The following MYO3A variants were observed in gnomAD, a reference collection of about 807,000 sequenced individuals.
MYO3A encodes myosin IIIA.
In MYO3A, 180 loss-of-function variants were observed where a neutral mutation model predicts 192.7. The ratio of observed to expected loss-of-function variants is 0.93; its 90% CI spans 0.83 to 1.06. The LOEUF (loss-of-function observed/expected upper bound fraction) is 1.06. MYO3A is among the 50% of genes least tolerant of loss of function. MYO3A has a pLI of 0.00. For synonymous variants in MYO3A, 628 were observed against 645.3 expected (o/e 0.97, Z 0.41); for missense variants, 1,896 against 1,905.0 (o/e 1.00, Z 0.09).
chr10:26,063,973 C>T (rs1834657593), intron 10 of MYO3A, among the ~76,000 whole-genome samples: 1 of 152,186 alleles, frequency 6.6e-6, no homozygotes. Flanking sequence ...CTGTTAACAG[C>T]TGCTGGGGAC....
intron 31 of MYO3A, among the ~76,000 whole-genome samples, chr10:26,184,060 AAGAG>A (rs1158033616): frequency 6.6e-6 from 1 of 152,202 alleles, no homozygotes; most frequent in Non-Finnish European, 1.5e-5. Flanking sequence ...TCTTAATAAA[AAGAG>A]AGAGAGAATT....
intron 4 of MYO3A, among the ~76,000 whole-genome samples, chr10:25,988,722 T>G (rs1388031285): frequency 6.6e-6 from 1 of 152,076 alleles, no homozygotes; most frequent in Non-Finnish European, 1.5e-5. Flanking sequence ...GTTCATCCAT[T>G]CAGTAGAATA....
In MYO3A at chr10:26,154,805, G is replaced by A. The variant is rs1391087947; in HGVS notation, c.2775G>A (p.Thr925=). Residue 925 remains threonine, a synonymous_variant, in exon 25 of 35, where the codon ACG becomes ACA. Transcript: ENST00000642920. Reference sequence around the variant, plus strand: ...AGACAACCAACATGAAAACACAAACGGTTGCATCATATTTTAGAGTAAGAT... The same window carrying A: ...AGACAACCAACATGAAAACACAAACAGTTGCATCATATTTTAGAGTAAGAT... The part of the protein sequence containing the change: ...ARETTNMKTQ[T]VASYFRYSLM... 11 of 1,613,146 alleles carry A rather than the reference G, an allele frequency of 6.8e-6. No individual in the cohort carries two copies. Among genetic ancestry groups the A allele is most frequent in the South Asian group, 1.1e-5 (1 of 90,990 alleles).
chr10:26,027,371 G>A (rs984327293), intron 10 of MYO3A, among the ~76,000 whole-genome samples: 1 of 151,684 alleles, frequency 6.6e-6, no homozygotes, highest in South Asian at 2.1e-4. Context: ...TTGAGACAGG[G>A]TCTCACTTTG....
chr10:25,980,376 A>C (rs1284947417), intron 4 of MYO3A, among the ~76,000 whole-genome samples: 1 of 152,230 alleles, frequency 6.6e-6, no homozygotes, highest in Non-Finnish European at 1.5e-5. Context: ...AAGCGGTCCT[A>C]GTCATCTTTG....
chr10:26,036,437 G>A (rs1282200808), intron 10 of MYO3A, among the ~76,000 whole-genome samples: 4 of 152,104 alleles, frequency 2.6e-5, no homozygotes, highest in Admixed American at 2.6e-4. Context: ...TCATGCCTAT[G>A]ACGAGTTTTG....
intron 26 of MYO3A, among the ~76,000 whole-genome samples, chr10:26,165,648 A>G (rs1282512825): frequency 1.3e-5 from 2 of 151,294 alleles, no homozygotes; most frequent in African/African-American, 4.9e-5. Context: ...CCATCACCCA[A>G]TTTGAAGATC....
At chr10:26,160,135 A>G (rs895929929) in intron 26 of MYO3A, among the ~76,000 whole-genome samples, 2 of 152,172 alleles carry the variant, frequency 1.3e-5, no homozygotes, top group Non-Finnish European at 2.9e-5. Context: ...GTGTAATATT[A>G]ATATAAGTAC....
intron 2 of MYO3A, among the ~76,000 whole-genome samples, chr10:25,943,768 T>TGTGTGTGTG (rs367579002): frequency 4.9e-5 from 7 of 142,684 alleles, no homozygotes; most frequent in Admixed American, 2.1e-4. Context: ...GTTCTAACAT[T>TGTGTGTGTG]TGTGTGTGTG....
At chr10:26,041,070 C>G (rs1843319765) in intron 10 of MYO3A, among the ~76,000 whole-genome samples, 1 of 152,016 alleles carries the variant, frequency 6.6e-6, no homozygotes, top group Admixed American at 6.6e-5. Flanking sequence ...TCTGGGTGCT[C>G]CAGTGTCAGG....
chr10:26,075,779 TG>T (rs1835527390), intron 14 of MYO3A, among the ~76,000 whole-genome samples: 1 of 147,756 alleles, frequency 6.8e-6, no homozygotes, highest in Non-Finnish European at 1.5e-5. Flanking sequence ...CATATATATA[TG>T]ATATATATGT....
intron 34 of MYO3A, among the ~76,000 whole-genome samples, chr10:26,209,489 T>A (rs960309301): frequency 2.6e-5 from 4 of 152,182 alleles, no homozygotes; most frequent in African/African-American, 9.7e-5. Flanking sequence ...TTTCTTCCTA[T>A]TCTCTTGAGC....
In MYO3A at chr10:26,109,170, C is replaced by A. The variant is rs138861059; in HGVS notation, c.1777-11506C>A. ...TGGAAAATGTAGAATAATGATATGA[C>A]AAGTTGCCCACTCTAACTTAAGAAA... On this transcript the variant is annotated intron_variant, in intron 17 of 34. Coordinates refer to ENST00000642920, the MANE Select transcript of MYO3A (RefSeq NM_017433.5). 1.1e-3 allele frequency among the ~76,000 whole-genome samples: 175 copies of A among 152,230 alleles called. 7 individuals are homozygous for A. In the East Asian group the frequency reaches 0.032, roughly 28 times the overall value.
At chr10:25,996,460 T>C (rs775194990) in intron 4 of MYO3A, 30 bp from the exon 5 acceptor site, 4 of 1,572,214 alleles carry the variant, frequency 2.5e-6, no homozygotes, top group Non-Finnish European at 2.6e-6. Flanking sequence ...CACATGTTTT[T>C]AATAGCCATC....
At chr10:26,154,359 T>G (rs1269244010) in intron 24 of MYO3A, among the ~76,000 whole-genome samples, 3 of 152,140 alleles carry the variant, frequency 2.0e-5, no homozygotes, top group African/African-American at 7.2e-5. Context: ...TTTCTATTTT[T>G]AGTAGAGACA....
chr10:25,970,455 C>A (rs2130724703), intron 4 of MYO3A, among the ~76,000 whole-genome samples: 1 of 151,902 alleles, frequency 6.6e-6, no homozygotes, highest in African/African-American at 2.4e-5. Context: ...CCTAGAAGGG[C>A]ATTTGCACCT....
chr10:26,081,396 G>T (rs895771678), intron 14 of MYO3A, among the ~76,000 whole-genome samples: 1 of 152,046 alleles, frequency 6.6e-6, no homozygotes, highest in Non-Finnish European at 1.5e-5. Flanking sequence ...ACTGAAGGGC[G>T]GGTCTCACTC....
intron 10 of MYO3A, among the ~76,000 whole-genome samples, chr10:26,065,599 A>AT (rs1259015341): frequency 2.4e-5 from 3 of 122,910 alleles, no homozygotes; most frequent in Non-Finnish European, 3.7e-5. Flanking sequence ...AAAAAAAAAA[A>AT]AAAAAAAAAA....
chr10:26,102,342 C>CTGCAAAG (rs1314042295), intron 17 of MYO3A, among the ~76,000 whole-genome samples: 1 of 152,166 alleles, frequency 6.6e-6, no homozygotes, highest in Non-Finnish European at 1.5e-5. Context: ...GTTCAAACAT[C>CTGCAAAG]CTCCTTTAGC....
Sources: allele counts gnomAD v4.1 joint callset (sites outside exome capture counted in the v4.1 genomes callset), GRCh38; gene constraint gnomAD v4.1.1; transcripts MANE v1.5; gene names NCBI Gene and HGNC (gene_info 2026-07-23, HGNC 2026-07-21).